FOXN3: variants seen among roughly 807,000 people sequenced by gnomAD.
FOXN3 encodes the protein forkhead box N3.
Under a neutral mutation model 38.4 loss-of-function variants are expected in FOXN3, and 7 were observed. The ratio of observed to expected loss-of-function variants is 0.18; its 90% CI spans 0.10 to 0.34. The LOEUF (loss-of-function observed/expected upper bound fraction) is 0.34, where lower values mean the gene tolerates loss of function less well. FOXN3 is among the 10% of genes least tolerant of loss of function. The probability of loss-of-function intolerance (pLI) is 1.00; values close to 1 mark genes in which losing one functional copy is unlikely to be tolerated. For synonymous variants in FOXN3, 230 were observed against 242.2 expected (o/e 0.95, Z 0.47); for missense variants, 456 against 613.4 (o/e 0.74, Z 2.71).
intron 1 of FOXN3, among the ~76,000 whole-genome samples, chr14:89,578,182 T>A (rs2139905958): frequency 1.3e-5 from 2 of 152,322 alleles, no homozygotes; most frequent in South Asian, 4.1e-4. Context: ...AATGATACTT[T>A]TCCATTAAAG....
intron 1 of FOXN3, among the ~76,000 whole-genome samples, chr14:89,566,931 C>T (rs893214534): frequency 6.6e-6 from 1 of 151,844 alleles, no homozygotes; most frequent in Non-Finnish European, 1.5e-5. Flanking sequence ...TCCTCCCTTG[C>T]CTTTTTTCCT....
At chr14:89,594,455 GA>G (rs1896017486) in intron 1 of FOXN3, among the ~76,000 whole-genome samples, 1 of 152,164 alleles carries the variant, frequency 6.6e-6, no homozygotes, top group African/African-American at 2.4e-5. Flanking sequence ...ATATTTCCCT[GA>G]AGACTTATGA....
intron 2 of FOXN3, chr14:89,409,351 A>AGGGGGGGGGGGGGT (rs138581623): frequency 7.1e-6 from 1 of 140,924 alleles, no homozygotes; most frequent in African/African-American, 2.8e-5. Flanking sequence ...GCGGTGGGGG[A>AGGGGGGGGGGGGGT]CGGGGGGGTC....
At chr14:89,399,438 G>A (rs1039700499) in intron 2 of FOXN3, among the ~76,000 whole-genome samples, 6 of 152,218 alleles carry the variant, frequency 3.9e-5, no homozygotes, top group South Asian at 2.1e-4. Flanking sequence ...TCCAATGGCC[G>A]TGGACCTGAG....
chr14:89,399,945 C>G (rs1446383829), intron 2 of FOXN3: 1 of 152,198 alleles, frequency 6.6e-6, no homozygotes, highest in Non-Finnish European at 1.5e-5. Context: ...ATTCCTCTTT[C>G]CATCCAGGGA....
intron 1 of FOXN3, among the ~76,000 whole-genome samples, chr14:89,466,307 G>A (rs1233509661): frequency 6.6e-5 from 10 of 152,076 alleles, no homozygotes; most frequent in African/African-American, 2.4e-4. Flanking sequence ...CAGACCTCCC[G>A]GGGGCCGCCA....
intron 4 of FOXN3, among the ~76,000 whole-genome samples, chr14:89,206,931 G>A (rs904481699): frequency 1.3e-5 from 2 of 152,210 alleles, no homozygotes; most frequent in Admixed American, 1.3e-4. Flanking sequence ...TTTAGGGGAA[G>A]AGATTTAGAG....
chr14:89,446,921 G>A (rs778951865), intron 1 of FOXN3, among the ~76,000 whole-genome samples: 1 of 152,196 alleles, frequency 6.6e-6, no homozygotes, highest in South Asian at 2.1e-4. Flanking sequence ...CCTGGGCCGG[G>A]CACGGTGGCT....
chr14:89,421,179 T>A (rs1350581080), upstream of FOXN3, among the ~76,000 whole-genome samples: 1 of 147,562 alleles, frequency 6.8e-6, no homozygotes, highest in Non-Finnish European at 1.5e-5. Context: ...ACAAGAGTTT[T>A]GCTCTTGTTG....
intron 4 of FOXN3, among the ~76,000 whole-genome samples, chr14:89,225,272 A>G (rs756463385): frequency 6.6e-6 from 1 of 151,688 alleles, no homozygotes; most frequent in Non-Finnish European, 1.5e-5. Context: ...GTCACTGCAC[A>G]CCAGCCTGGG....
intron 3 of FOXN3, among the ~76,000 whole-genome samples, chr14:89,321,302 A>T (rs1013054704): frequency 1.3e-5 from 2 of 151,614 alleles, no homozygotes; most frequent in African/African-American, 4.8e-5. Context: ...TAAAAAATAA[A>T]AAAAAATTAA....
chr14:89,396,778 G>C (rs1280457799), intron 2 of FOXN3, among the ~76,000 whole-genome samples: 1 of 148,588 alleles, frequency 6.7e-6, no homozygotes, highest in African/African-American at 2.5e-5. Context: ...GTTGCAGTGA[G>C]CTGAGATTGT....
intron 5 of FOXN3, among the ~76,000 whole-genome samples, chr14:89,176,892 C>T (rs77955368): frequency 9.9e-5 from 15 of 152,272 alleles, no homozygotes; most frequent in African/African-American, 3.1e-4. Flanking sequence ...GCTTACTACC[C>T]CTCTTCCCCT....
intron 2 of FOXN3, among the ~76,000 whole-genome samples, chr14:89,363,099 C>A (rs1889940039): frequency 1.3e-5 from 2 of 152,114 alleles, no homozygotes; most frequent in African/African-American, 4.8e-5. Flanking sequence ...AAGAGATGAG[C>A]CCTGGGGGAG....
At chr14:89,567,683 CT>C (rs1431147034) in intron 1 of FOXN3, among the ~76,000 whole-genome samples, 1 of 150,688 alleles carries the variant, frequency 6.6e-6, no homozygotes, top group African/African-American at 2.4e-5. Flanking sequence ...TACCTATTAG[CT>C]TCAAAGGTGT....
chr14:89,178,257 C>T (rs995110676), intron 5 of FOXN3, among the ~76,000 whole-genome samples: 10 of 152,000 alleles, frequency 6.6e-5, no homozygotes, highest in Admixed American at 2.6e-4. Context: ...GTGATCCACC[C>T]GCCGGAGCCT....
At chr14:89,335,654 A>G (rs895054838) in intron 3 of FOXN3, among the ~76,000 whole-genome samples, 1 of 152,270 alleles carries the variant, frequency 6.6e-6, no homozygotes, top group Admixed American at 6.5e-5. Context: ...TATGACTTCA[A>G]TATCAAATAA....
chr14:89,297,428 C>T (rs1050914451), intron 3 of FOXN3, among the ~76,000 whole-genome samples: 3 of 151,902 alleles, frequency 2.0e-5, no homozygotes, highest in East Asian at 1.9e-4. Context: ...GGCGTGGTGG[C>T]GGGCGCCTGT....
At chr14:89,613,622 AT>A (rs142079323) in intron 1 of FOXN3, among the ~76,000 whole-genome samples, 7 of 151,750 alleles carry the variant, frequency 4.6e-5, no homozygotes, top group Admixed American at 6.6e-5. Context: ...TTCATATGTA[AT>A]TTTTTTTTCC....
Sources: allele counts gnomAD v4.1 joint callset (sites outside exome capture counted in the v4.1 genomes callset), GRCh38; gene constraint gnomAD v4.1.1; transcripts MANE v1.5; gene names NCBI Gene and HGNC (gene_info 2026-07-23, HGNC 2026-07-21).